The following DERL1 variants were observed in gnomAD, a reference collection of about 807,000 sequenced individuals.
DERL1 encodes the protein derlin 1, also known as derlin-1.
In DERL1, 24 loss-of-function variants were observed where a neutral mutation model predicts 41.6. The ratio of observed to expected loss-of-function variants is 0.58; its 90% CI spans 0.42 to 0.81. The LOEUF (loss-of-function observed/expected upper bound fraction) is 0.81, where lower values mean the gene tolerates loss of function less well. Ranked by LOEUF, DERL1 falls within the 30% of genes least tolerant of loss-of-function variation. The pLI, the probability that DERL1 is intolerant of heterozygous loss-of-function variation, is 0.00. For missense variants in DERL1, 260 were observed against 314.3 expected (o/e 0.83, Z 1.31); for synonymous variants, 124 against 112.5 (o/e 1.10, Z -0.65).
chr8:123,033,451 A>C (rs1477642329), intron 1 of DERL1, among the ~76,000 whole-genome samples: 2 of 152,196 alleles, frequency 1.3e-5, no homozygotes, highest in Non-Finnish European at 2.9e-5. Flanking sequence ...CAATATTGAA[A>C]ATTGAGCTTC....
rs1319740589 is a variant in DERL1 at position 123,014,413 on chromosome 8, G to C, written c.*1034C>G. 1 of 152,664 alleles carries C rather than the reference G, an allele frequency of 6.6e-6. No homozygotes were observed. The highest frequency in any genetic ancestry group is 2.4e-5 in the African/African-American group (1 of 41,428). The allele number at this position is 152,664 out of a possible 1,614,324, so 9.5% of individuals were successfully genotyped here. On this transcript the variant is annotated 3_prime_UTR_variant, in exon 8 of 8. Transcript: ENST00000259512. ...CCTTCCTCACAATTAATTGAAACAT[G>C]ACCAAAAAACGGGGGATAGGCAAAA...
rs533571668 is a variant in DERL1, at chr8:123,041,649, C to T, written c.153+321G>A. Among the ~76,000 whole-genome samples the T allele has an allele frequency of 2.0e-4, 30 of 152,340 alleles. 1 individual carries two copies. In the South Asian group the frequency reaches 5.8e-3, roughly 29 times the overall value. On this transcript the variant is annotated intron_variant, in intron 1 of 7. Transcript: ENST00000259512. ...CAATGCTCCAGGCGGACCTAATCGC[C>T]AGCGTCCAACAGATTGACAACTACC... is the stretch of plus-strand genomic sequence containing the variant.
chr8:123,023,864 T>C, intron 3 of DERL1, 125 bp from the exon 4 acceptor site: 1 of 1,050,028 alleles, frequency 9.5e-7, no homozygotes, highest in African/African-American at 1.6e-5. Context: ...ATGCTTGTAA[T>C]CTCTGTACTT....
At chr8:123,015,734 G>T in intron 7 of DERL1, 149 bp from the exon 8 acceptor site, 1 of 1,007,288 alleles carries the variant, frequency 9.9e-7, no homozygotes, top group African/African-American at 1.6e-5. Flanking sequence ...ATTTAACTTT[G>T]TCTTTTCTGT....
intron 2 of DERL1, among the ~76,000 whole-genome samples, chr8:123,026,063 A>G (rs183252883): frequency 2.5e-3 from 375 of 152,308 alleles, no homozygotes; most frequent in Middle Eastern, 0.01. Flanking sequence ...ACCCCCTCAC[A>G]GTTACATGAT....
chr8:123,031,280 C>A (rs1166798172), intron 1 of DERL1, among the ~76,000 whole-genome samples: 1 of 152,172 alleles, frequency 6.6e-6, no homozygotes, highest in Non-Finnish European at 1.5e-5. Flanking sequence ...TTCGGTGGCT[C>A]ATGCCTGTAA....
intron 7 of DERL1, chr8:123,018,074 G>A (rs573501447): frequency 6.6e-6 from 1 of 152,356 alleles, no homozygotes; most frequent in African/African-American, 2.4e-5. Flanking sequence ...AGGAAGGGGA[G>A]AAAGAGGAGG....
intron 5 of DERL1, among the ~76,000 whole-genome samples, chr8:123,021,802 T>C (rs974369834): frequency 6.6e-6 from 1 of 152,192 alleles, no homozygotes; most frequent in African/African-American, 2.4e-5. Context: ...CAGATGAGTG[T>C]CCTACAGATG....
chr8:123,041,938 T>A, intron 1 of DERL1, 32 bp downstream of exon 1: 2 of 1,577,994 alleles, frequency 1.3e-6, no homozygotes, highest in Non-Finnish European at 1.7e-6. Context: ...CTGGGGCCTG[T>A]AGTCTCCACG....
rs1284608911 is a variant in DERL1 at position 123,021,440 on chromosome 8, C to CAA, written c.506+6_506+7insTT. 1 of 1,611,840 alleles carries CAA rather than the reference C, an allele frequency of 6.2e-7. No individual in the cohort carries two copies. The highest frequency in any genetic ancestry group is 8.5e-7 in the Non-Finnish European group (1 of 1,178,172). On this transcript the variant is annotated splice_region_variant and intron_variant, in intron 6 of 7. Coordinates refer to ENST00000259512, the MANE Select transcript of DERL1 (RefSeq NM_024295.6). ...GTTTCCAATTAAATAAATCTAATAT[C>CAA]ACTTACGAGCCTCCGATGATATAGT...
intron 1 of DERL1, among the ~76,000 whole-genome samples, chr8:123,036,982 T>G (rs988901544): frequency 1.3e-5 from 2 of 152,142 alleles, no homozygotes; most frequent in African/African-American, 2.4e-5. Context: ...AAATCAAGAG[T>G]TCACATCTTC....
intron 5 of DERL1, 44 bp downstream of exon 5, chr8:123,022,640 T>C: frequency 6.4e-7 from 1 of 1,574,638 alleles, no homozygotes; most frequent in Admixed American, 1.7e-5. Context: ...GAGGGATTTC[T>C]GCAGACAAAT....
intron 2 of DERL1, among the ~76,000 whole-genome samples, chr8:123,026,879 C>T (rs1812708283): frequency 6.6e-6 from 1 of 152,124 alleles, no homozygotes; most frequent in African/African-American, 2.4e-5. Flanking sequence ...AGTACTGATA[C>T]AGGCTATATG....
In DERL1 at chr8:123,014,573, A is replaced by G. The variant is rs1814504341; in HGVS notation, c.*874T>C. The G allele has an allele frequency of 6.6e-6, 1 of 152,556 alleles. No individual in the cohort carries two copies. The highest frequency in any genetic ancestry group is 2.4e-5 in the African/African-American group (1 of 41,430). 9.5% of individuals were successfully genotyped at this position (152,556 alleles called of 1,614,324 possible). On this transcript the variant is annotated 3_prime_UTR_variant, in exon 8 of 8. Transcript: ENST00000259512. ...TCTCCCTGTAGCCAACATGATCTGGATCCTCCTAACACAAAGCAACCCAAC... is the reference window on the plus strand; with the variant it reads ...TCTCCCTGTAGCCAACATGATCTGGGTCCTCCTAACACAAAGCAACCCAAC...
chr8:123,026,045 C>G (rs771156759), intron 2 of DERL1, among the ~76,000 whole-genome samples: 1 of 151,960 alleles, frequency 6.6e-6, no homozygotes, highest in Non-Finnish European at 1.5e-5. Context: ...TTTCCCTCCC[C>G]GTTCCACACC....
intron 3 of DERL1, 96 bp downstream of exon 3, chr8:123,024,890 A>G: frequency 7.8e-7 from 1 of 1,280,970 alleles, no homozygotes; most frequent in Non-Finnish European, 1.1e-6. Flanking sequence ...AGATGCAAAT[A>G]TTGTAATTTG....
chr8:123,030,609 T>C lies in DERL1; in HGVS notation c.261A>G (p.Glu87=), dbSNP rs759161284. 1 of 1,588,852 alleles carries C rather than the reference T, an allele frequency of 6.3e-7. No individual in the cohort carries two copies. Among genetic ancestry groups the C allele is most frequent in the Admixed American group, 1.7e-5 (1 of 57,274 alleles). ...AAACAACTATGGGTAACATACCTGT[T>C]TCAAGTCGCGTAGAATACTGATATA... The part of the protein sequence containing the change: ...YFLYQYSTRL[E]TGAFDGRPAD... The change falls in exon 2 of 8, where the codon GAA becomes GAG. Residue 87 remains glutamate (E), a synonymous_variant. Transcript: ENST00000259512.
chr8:123,022,598 G>T, intron 5 of DERL1, 86 bp downstream of exon 5: 1 of 1,320,714 alleles, frequency 7.6e-7, no homozygotes, highest in Non-Finnish European at 1.1e-6. Flanking sequence ...GACCCCTTCT[G>T]GATGAGTCAG....
chr8:123,030,750 T>C, intron 1 of DERL1, 34 bp from the exon 2 acceptor site: 1 of 1,418,894 alleles, frequency 7.0e-7, no homozygotes, highest in Non-Finnish European at 9.9e-7. Flanking sequence ...GCTGTTAGTT[T>C]CTGTAAGCCT....
Sources: allele counts gnomAD v4.1 joint callset (sites outside exome capture counted in the v4.1 genomes callset), GRCh38; gene constraint gnomAD v4.1.1; transcripts MANE v1.5; gene names NCBI Gene and HGNC (gene_info 2026-07-23, HGNC 2026-07-21).